Variants in SUSD5 observed in about 807,000 individuals in gnomAD.
The protein encoded by SUSD5 is sushi domain containing 5.
In SUSD5, 33 loss-of-function variants were observed where a neutral mutation model predicts 29.5. The observed-to-expected ratio is 1.12, with a 90% CI of 0.85 to 1.49. The LOEUF is 1.49. Ranked by LOEUF, SUSD5 falls within the 40% of genes most tolerant of loss-of-function variation. The probability of loss-of-function intolerance (pLI) is 0.00; values close to 1 mark genes in which losing one functional copy is unlikely to be tolerated. For synonymous variants in SUSD5, 308 were observed against 325.3 expected, an observed-to-expected ratio of 0.95 and a Z score of 0.57; for missense variants, 776 against 800.6, an observed-to-expected ratio of 0.97 and a Z score of 0.37.
At chr3:33,178,471 C>T (rs1354594166) in intron 3 of SUSD5, among the ~76,000 whole-genome samples, 4 of 148,634 alleles carry the variant, frequency 2.7e-5, no homozygotes, top group Admixed American at 1.4e-4. Context: ...TTTTTTGAGA[C>T]GGAGTCTTGC....
intron 4 of SUSD5, among the ~76,000 whole-genome samples, chr3:33,173,003 T>TA (rs1380868364): frequency 6.6e-6 from 1 of 152,124 alleles, no homozygotes; most frequent in Non-Finnish European, 1.5e-5. Flanking sequence ...TGAGAGAAAA[T>TA]ACTTGCAACA....
At chr3:33,155,411 A>G (rs564739143) in intron 4 of SUSD5, among the ~76,000 whole-genome samples, 1 of 152,342 alleles carries the variant, frequency 6.6e-6, no homozygotes, top group East Asian at 1.9e-4. Flanking sequence ...GCTAAAATTA[A>G]ACAGACCGAC....
At chr3:33,185,485 G>A (rs1489166977) in intron 3 of SUSD5, among the ~76,000 whole-genome samples, 3 of 152,114 alleles carry the variant, frequency 2.0e-5, no homozygotes, top group African/African-American at 7.2e-5. Context: ...TTACAGCTAC[G>A]TTTTCCTACC....
intron 3 of SUSD5, among the ~76,000 whole-genome samples, chr3:33,184,600 G>C (rs1030347354): frequency 6.6e-6 from 1 of 151,054 alleles, no homozygotes; most frequent in Non-Finnish European, 1.5e-5. Flanking sequence ...TGGATATTCT[G>C]TTCTCTTTTT....
intron 4 of SUSD5, among the ~76,000 whole-genome samples, chr3:33,172,569 G>A (rs186591848): frequency 3.3e-5 from 5 of 152,268 alleles, no homozygotes; most frequent in Admixed American, 6.5e-5. Context: ...GATTTTCTTG[G>A]GCAGGTGAAT....
rs967786851 is a variant in SUSD5 at position 33,158,304 on chromosome 3, G to A, written c.599-4271C>T. 2.6e-5 allele frequency among the ~76,000 whole-genome samples: 4 copies of A among 152,172 alleles called. No homozygotes were observed. In the East Asian group the frequency reaches 5.8e-4, roughly 22 times the overall value. Reference sequence around the variant, plus strand: ...GACCCTCTGAAAAGACGCCATTGTTGAAGGACCAATTGAATACAAACACAC... The same window carrying A: ...GACCCTCTGAAAAGACGCCATTGTTAAAGGACCAATTGAATACAAACACAC... On this transcript the variant is annotated intron_variant, in intron 4 of 4. Coordinates refer to ENST00000309558, the MANE Select transcript of SUSD5 (RefSeq NM_015551.2).
chr3:33,153,446 C>T lies in SUSD5; in HGVS notation c.1186G>A (p.Asp396Asn), dbSNP rs200964153. ...TTTTCATCCAGCCCTACTGACCCAT[C>T]CCCTCTGTCCCCATCTTCTTCCTCT... ...AEEEEDGDRG[D>N]GSVGLDENVL... The change falls in exon 5 of 5, where the codon GAT becomes AAT. Residue 396 changes from aspartate to asparagine, a missense_variant. Physicochemically the swap from Asp to Asn is conservative, Grantham distance 23 (BLOSUM62 1). Transcript: ENST00000309558. 410 of 1,613,916 alleles carry T rather than the reference C, an allele frequency of 2.5e-4. No individual in the cohort carries two copies. Among genetic ancestry groups the T allele is most frequent in the Non-Finnish European group, 3.2e-4 (374 of 1,179,992 alleles).
At chr3:33,172,491 C>T (rs1456171614) in intron 4 of SUSD5, among the ~76,000 whole-genome samples, 2 of 152,158 alleles carry the variant, frequency 1.3e-5, no homozygotes, top group Non-Finnish European at 2.9e-5. Flanking sequence ...ACATTAACAA[C>T]TCAGGGTGGG....
intron 4 of SUSD5, among the ~76,000 whole-genome samples, chr3:33,171,231 C>T (rs1287661907): frequency 1.3e-5 from 2 of 152,112 alleles, no homozygotes; most frequent in East Asian, 1.9e-4. Context: ...CCTGTAATCC[C>T]AGCTATTCGG....
At chr3:33,163,844 C>G (rs140276076) in intron 4 of SUSD5, among the ~76,000 whole-genome samples, 3 of 152,182 alleles carry the variant, frequency 2.0e-5, no homozygotes, top group Non-Finnish European at 4.4e-5. Flanking sequence ...AAACAAAATA[C>G]AAAAAATTAG....
intron 2 of SUSD5, among the ~76,000 whole-genome samples, chr3:33,212,525 T>TA (rs2032341067): frequency 6.6e-6 from 1 of 152,198 alleles, no homozygotes; most frequent in Non-Finnish European, 1.5e-5. Flanking sequence ...TTGCGTATAA[T>TA]GTCTAGGGGC....
chr3:33,203,753 T>G (rs1401104791), intron 3 of SUSD5, among the ~76,000 whole-genome samples: 1 of 152,212 alleles, frequency 6.6e-6, no homozygotes, highest in Non-Finnish European at 1.5e-5. Context: ...TCTGGAGGCA[T>G]GCCCTCGTTG....
chr3:33,174,697 G>A (rs1377722329), intron 4 of SUSD5, among the ~76,000 whole-genome samples, 189 bp downstream of exon 4: 6 of 152,220 alleles, frequency 3.9e-5, no homozygotes, highest in Non-Finnish European at 8.8e-5. Flanking sequence ...GCTCAGTTGT[G>A]CATTTGAAAT....
chr3:33,152,697 T>TA lies in SUSD5; in HGVS notation c.*44dup. On this transcript the variant is annotated 3_prime_UTR_variant, in exon 5 of 5. Coordinates refer to ENST00000309558, the MANE Select transcript of SUSD5 (RefSeq NM_015551.2). ...GAATTATCGTGTGATGTGTCACAGT[T>TA]ATTTTCCTCCCAAGTGGCTTTGGGA... 1 of 1,540,860 alleles carries TA rather than the reference T, an allele frequency of 6.5e-7. No homozygotes were observed. Among genetic ancestry groups the TA allele is most frequent in the South Asian group, 1.3e-5 (1 of 79,014 alleles).
rs68055129 is a variant in SUSD5 at position 33,183,930 on chromosome 3, CTTTTTTTTTTTT to C, written c.410-8868_410-8857del. On this transcript the variant is annotated intron_variant, in intron 3 of 4. Transcript: ENST00000309558. ...AACACTTTAAATATTTTATTACCCT[CTTTTTTTTTTTT>C]TTTTTTTTTTTTTGAGATGGAGTCT... Among the ~76,000 whole-genome samples the C allele has an allele frequency of 7.0e-4, 44 of 62,618 alleles. 1 individual carries two copies. The highest frequency in any genetic ancestry group is 1.8e-3 in the Admixed American group (9 of 5,094). The allele number at this position is 62,618 out of a possible 152,430, so 41.1% of individuals were successfully genotyped here. A position where few individuals can be genotyped will look rare whatever the true frequency, so the allele number is the denominator to read the frequency against.
chr3:33,165,909 G>A (rs972203375), intron 4 of SUSD5, among the ~76,000 whole-genome samples: 10 of 151,530 alleles, frequency 6.6e-5, no homozygotes, highest in South Asian at 2.1e-4. Context: ...TCGGGAGCCC[G>A]AGATAGGAGG....
chr3:33,153,655 C>T lies in SUSD5; in HGVS notation c.977G>A (p.Gly326Asp), dbSNP rs1042894582. 1.2e-6 allele frequency: 2 copies of T among 1,614,050 alleles called. No individual in the cohort carries two copies. Among genetic ancestry groups the T allele is most frequent in the East Asian group, 2.2e-5 (1 of 44,880 alleles). Residue 326 changes from glycine (G) to aspartate (D), a missense_variant, in exon 5 of 5, where the codon GGT (glycine) becomes GAT (aspartate). Transcript: ENST00000309558. Reference sequence around the variant, plus strand: ...AGGTTCACCTGGGACCAATTTTACACCACTGTGGTTGTCTCCAGCAGAAAA... The same window carrying T: ...AGGTTCACCTGGGACCAATTTTACATCACTGTGGTTGTCTCCAGCAGAAAA... ...KQFSAGDNHS[G>D]VKLVPGEPET... is the part of the protein sequence containing the mutation.
rs374557633 is a variant in SUSD5, at chr3:33,153,886, C to T, written c.746G>A (p.Arg249His). The T allele has an allele frequency of 2.4e-5, 39 of 1,613,902 alleles. No homozygotes were observed. The highest frequency in any genetic ancestry group is 1.6e-4 in the South Asian group (15 of 91,082). Reference sequence around the variant, plus strand: ...TCTCCCCACAGAAATGGAGACCAGACGGTCCTGTTTTGGAGCCTCCTCAGA... The same window carrying T: ...TCTCCCCACAGAAATGGAGACCAGATGGTCCTGTTTTGGAGCCTCCTCAGA... ...DSSEEAPKQD[R>H]LVSISVGREN... The change falls in exon 5 of 5, where the codon CGT (arginine) becomes CAT (histidine). Residue 249 changes from arginine to histidine, a missense_variant. Physicochemically the swap from Arg to His is conservative, Grantham distance 29. Transcript: ENST00000309558.
At chr3:33,194,647 G>A (rs1458755118) in intron 3 of SUSD5, among the ~76,000 whole-genome samples, 1 of 152,166 alleles carries the variant, frequency 6.6e-6, no homozygotes, top group Admixed American at 6.5e-5. Flanking sequence ...GAAACTACCA[G>A]TAGCCTTGGT....
Sources: allele counts gnomAD v4.1 joint callset (sites outside exome capture counted in the v4.1 genomes callset), GRCh38; gene constraint gnomAD v4.1.1; transcripts MANE v1.5; gene names NCBI Gene and HGNC (gene_info 2026-07-23, HGNC 2026-07-21).